Variants in HEMK2 observed in about 807,000 individuals in gnomAD.
The protein encoded by HEMK2 is HemK methyltransferase 2, ETF1 glutamine and histone H4 lysine.
At chr21:28,702,562 T>C in the HEMK2 span, among the ~76,000 whole-genome samples, 3 of 152,178 alleles carry the variant, frequency 2.0e-5, no homozygotes, top group African/African-American at 7.2e-5. Flanking sequence ...GAAAAAATGT[T>C]CAGTGTCTCT....
the HEMK2 span, among the ~76,000 whole-genome samples, chr21:28,843,098 C>G: frequency 6.6e-6 from 1 of 152,130 alleles, no homozygotes; most frequent in Non-Finnish European, 1.5e-5. Context: ...TGAGTCTTCT[C>G]TTACATGAGA....
chr21:28,773,917 A>G, the HEMK2 span, among the ~76,000 whole-genome samples: 1 of 152,156 alleles, frequency 6.6e-6, no homozygotes, highest in Non-Finnish European at 1.5e-5. Flanking sequence ...GAATGGTACA[A>G]GTCTTTCTGA....
At chr21:28,666,139 G>A in the HEMK2 span, among the ~76,000 whole-genome samples, 3 of 152,134 alleles carry the variant, frequency 2.0e-5, no homozygotes, top group Admixed American at 1.3e-4. Flanking sequence ...TAGGACCTAC[G>A]TTGTTCCCTC....
At chr21:28,843,921 T>C in the HEMK2 span, among the ~76,000 whole-genome samples, 1 of 152,132 alleles carries the variant, frequency 6.6e-6, no homozygotes, top group Non-Finnish European at 1.5e-5. Flanking sequence ...TAAGGGAATC[T>C]GAATTTTAAA....
the HEMK2 span, among the ~76,000 whole-genome samples, chr21:28,800,657 T>C: frequency 2.0e-5 from 3 of 152,210 alleles, no homozygotes; most frequent in African/African-American, 7.2e-5. Flanking sequence ...TGTGTATATG[T>C]AGTGGAGGAT....
chr21:28,589,412 G>A, the HEMK2 span, among the ~76,000 whole-genome samples: 1 of 152,088 alleles, frequency 6.6e-6, no homozygotes, highest in African/African-American at 2.4e-5. Context: ...GGGGTTGGGG[G>A]AGAAAGGTAT....
chr21:28,885,083 CA>C, the HEMK2 span: 5 of 1,322,810 alleles, frequency 3.8e-6, no homozygotes, highest in East Asian at 1.3e-4. Flanking sequence ...TCCTGGCTGT[CA>C]ATCATCTGCA....
At chr21:28,788,201 T>TATATATACAC in the HEMK2 span, among the ~76,000 whole-genome samples, 10 of 114,310 alleles carry the variant, frequency 8.7e-5, no homozygotes, top group African/African-American at 3.6e-4. Context: ...CGTATATACG[T>TATATATACAC]ATATATACGT....
At chr21:28,597,105 A>G in the HEMK2 span, among the ~76,000 whole-genome samples, 4 of 152,226 alleles carry the variant, frequency 2.6e-5, no homozygotes, top group African/African-American at 9.6e-5. Flanking sequence ...TGCTAAATAT[A>G]TTAATTACTT....
chr21:28,822,511 T>G, the HEMK2 span, among the ~76,000 whole-genome samples: 1 of 152,152 alleles, frequency 6.6e-6, no homozygotes, highest in East Asian at 1.9e-4. Flanking sequence ...GAATAAAATA[T>G]GTAAGGAATT....
At chr21:28,863,407 CTTTTATATATAT>C in the HEMK2 span, among the ~76,000 whole-genome samples, 1 of 66,468 alleles carries the variant, frequency 1.5e-5, no homozygotes, top group African/African-American at 7.3e-5. Context: ...AATAAACTCC[CTTTTATATATAT>C]ATATATATAT....
At chr21:28,633,773 A>G in the HEMK2 span, among the ~76,000 whole-genome samples, 1 of 152,202 alleles carries the variant, frequency 6.6e-6, no homozygotes, top group Non-Finnish European at 1.5e-5. Context: ...TCTCTGAGCC[A>G]TTGCAAAGAC....
chr21:28,825,783 C>T, the HEMK2 span, among the ~76,000 whole-genome samples: 6 of 152,214 alleles, frequency 3.9e-5, no homozygotes, highest in East Asian at 7.7e-4. Context: ...TTCTAGTTTT[C>T]CCAGGAATTT....
the HEMK2 span, among the ~76,000 whole-genome samples, chr21:28,650,927 C>T: frequency 1.3e-5 from 2 of 151,986 alleles, no homozygotes; most frequent in African/African-American, 4.8e-5. Flanking sequence ...AAAAAAGAAC[C>T]ATCAAAGGAT....
At chr21:28,730,674 T>C in the HEMK2 span, among the ~76,000 whole-genome samples, 1 of 152,092 alleles carries the variant, frequency 6.6e-6, no homozygotes, top group Non-Finnish European at 1.5e-5. Flanking sequence ...GACCTCTCCA[T>C]AGGGCTATTT....
At chr21:28,719,032 C>T in the HEMK2 span, among the ~76,000 whole-genome samples, 6 of 152,138 alleles carry the variant, frequency 3.9e-5, no homozygotes, top group South Asian at 2.1e-4. Flanking sequence ...CAACAATGGG[C>T]GCCACAGTCC....
At chr21:28,742,646 T>A in the HEMK2 span, among the ~76,000 whole-genome samples, 2 of 151,776 alleles carry the variant, frequency 1.3e-5, no homozygotes, top group Non-Finnish European at 2.9e-5. Context: ...ATCATTTTTT[T>A]AAAGATTCCA....
chr21:28,882,947 C>G, the HEMK2 span: 1 of 1,307,056 alleles, frequency 7.7e-7, no homozygotes, highest in Non-Finnish European at 1.1e-6. Context: ...CATAGTTAAC[C>G]TGTCAGTGGA....
the HEMK2 span, chr21:28,879,816 T>G: frequency 7.3e-7 from 1 of 1,361,576 alleles, no homozygotes; most frequent in South Asian, 1.4e-5. Flanking sequence ...TCATTTGATT[T>G]TACAAACAAA....
Sources: allele counts gnomAD v4.1 joint callset (sites outside exome capture counted in the v4.1 genomes callset), GRCh38; gene constraint gnomAD v4.1.1; transcripts MANE v1.5; gene names NCBI Gene and HGNC (gene_info 2026-07-23, HGNC 2026-07-21).